PHACTR1: variants seen among roughly 807,000 people sequenced by gnomAD.
PHACTR1 encodes RPEL repeat containing 1.
PHACTR1 carries 16 observed loss-of-function variants against 69.2 expected under a neutral mutation model. That is an observed-to-expected ratio of 0.23 (90% CI 0.16 to 0.35). The LOEUF (loss-of-function observed/expected upper bound fraction) is 0.35, where lower values mean the gene tolerates loss of function less well. PHACTR1 is among the 10% of genes least tolerant of loss of function. The probability of loss-of-function intolerance (pLI) is 1.00; values close to 1 mark genes in which losing one functional copy is unlikely to be tolerated. For missense variants in PHACTR1, 510 were observed against 734.7 expected (o/e 0.69, Z 3.54); for synonymous variants, 312 against 284.5 (o/e 1.10, Z -0.97).
chr6:13,173,374 A>G (rs1446552079), intron 6 of PHACTR1, among the ~76,000 whole-genome samples: 1 of 152,204 alleles, frequency 6.6e-6, no homozygotes. Context: ...ATAAGAATAT[A>G]TTGCCTTCTA....
chr6:12,933,819 G>A (rs752972287), intron 4 of PHACTR1: 3 of 1,612,660 alleles, frequency 1.9e-6, no homozygotes, highest in African/African-American at 1.3e-5. Context: ...TCTACTCAGG[G>A]TATGAGCCCT....
chr6:13,162,885 G>A (rs916406056), intron 6 of PHACTR1, among the ~76,000 whole-genome samples: 1 of 152,136 alleles, frequency 6.6e-6, no homozygotes, highest in Admixed American at 6.5e-5. Flanking sequence ...AGCAGGCGCT[G>A]TGCCTCTGTC....
intron 4 of PHACTR1, among the ~76,000 whole-genome samples, chr6:12,758,241 G>A (rs9472486): frequency 0.022 from 3,289 of 151,948 alleles, 116 homozygotes; most frequent in African/African-American, 0.074. Flanking sequence ...TCAGGAATTC[G>A]AGACCAGCCT....
At chr6:13,160,327 C>A in intron 6 of PHACTR1, 43 bp downstream of exon 6, 3 of 1,528,162 alleles carry the variant, frequency 2.0e-6, no homozygotes, top group Non-Finnish European at 2.7e-6. Context: ...AAGAGTCATG[C>A]GTGGAATCTG....
At chr6:12,995,998 C>A (rs34476983) in intron 4 of PHACTR1, among the ~76,000 whole-genome samples, 29,260 of 151,896 alleles carry the variant, frequency 0.19, 3,153 homozygotes, top group South Asian at 0.27. Context: ...AAAAGTAAAT[C>A]ATTTCTAAAT....
At chr6:12,820,435 C>T (rs1201496927) in intron 4 of PHACTR1, among the ~76,000 whole-genome samples, 1 of 152,210 alleles carries the variant, frequency 6.6e-6, no homozygotes, top group Non-Finnish European at 1.5e-5. Context: ...CCGCCTCAGC[C>T]TCCCAAAATG....
chr6:13,034,454 A>C (rs1451910380), intron 4 of PHACTR1, among the ~76,000 whole-genome samples: 1 of 152,208 alleles, frequency 6.6e-6, no homozygotes, highest in East Asian at 1.9e-4. Flanking sequence ...TTCCCCTCCA[A>C]ACCACTTCCT....
intron 4 of PHACTR1, among the ~76,000 whole-genome samples, chr6:13,049,490 C>G (rs1469697799): frequency 6.6e-6 from 1 of 152,154 alleles, no homozygotes; most frequent in Non-Finnish European, 1.5e-5. Context: ...TCAGAGAATT[C>G]TCAAACTGAA....
intron 8 of PHACTR1, among the ~76,000 whole-genome samples, chr6:13,218,859 AAGAGAAGAGAAGAGAAGAGAAGAGAAGAG>A (rs1311945497): frequency 1.2e-3 from 5 of 4,330 alleles, no homozygotes; most frequent in Non-Finnish European, 4.1e-3. Flanking sequence ...GAGGAAAGAG[AAGAGAAGAGAAGAGAAGAGAAGAGAAGAG>A]AAGAGAAGAG....
Position 13,078,021 on chromosome 6 carries a change from C to T in PHACTR1, c.415+24492C>T, listed in dbSNP as rs1192090858. 2.0e-5 allele frequency among the ~76,000 whole-genome samples: 3 copies of T among 152,118 alleles called. No individual in the cohort carries two copies. In the East Asian group the frequency reaches 5.8e-4, roughly 29 times the overall value. ...TCATGGCCAAAGAGGATCCAGGGGTCCCCCATCACACAATGAAGGAGAGGT... is the reference window on the plus strand; with the variant it reads ...TCATGGCCAAAGAGGATCCAGGGGTTCCCCATCACACAATGAAGGAGAGGT... On this transcript the variant is annotated intron_variant, in intron 5 of 14. Coordinates refer to ENST00000332995, the MANE Select transcript of PHACTR1 (RefSeq NM_030948.6).
intron 4 of PHACTR1, among the ~76,000 whole-genome samples, chr6:12,914,389 T>C (rs1159095489): frequency 1.3e-5 from 2 of 152,182 alleles, no homozygotes; most frequent in Non-Finnish European, 2.9e-5. Flanking sequence ...TCACTCTGCC[T>C]AGTCCTTAAA....
At chr6:13,020,752 A>G (rs146811956) in intron 4 of PHACTR1, among the ~76,000 whole-genome samples, 133 of 152,330 alleles carry the variant, frequency 8.7e-4, no homozygotes, top group African/African-American at 3.0e-3. Flanking sequence ...CACAGGTATT[A>G]TCCACTTAAG....
At chr6:13,225,871 A>G (rs565618888) in intron 8 of PHACTR1, among the ~76,000 whole-genome samples, 10 of 152,330 alleles carry the variant, frequency 6.6e-5, no homozygotes, top group African/African-American at 2.4e-4. Flanking sequence ...CTTACTTCCT[A>G]TAATACCCAA....
chr6:13,075,549 A>G (rs1428706736), intron 5 of PHACTR1, among the ~76,000 whole-genome samples: 1 of 152,212 alleles, frequency 6.6e-6, no homozygotes, highest in Non-Finnish European at 1.5e-5. Context: ...ACCTGCTCCA[A>G]GAAGTGCCTC....
At chr6:12,833,086 A>G (rs989050190) in intron 4 of PHACTR1, among the ~76,000 whole-genome samples, 2 of 152,150 alleles carry the variant, frequency 1.3e-5, no homozygotes, top group Middle Eastern at 6.8e-3. Flanking sequence ...CACTTCACCT[A>G]TGAGGTTCAC....
At chr6:12,964,347 G>A (rs1388877174) in intron 4 of PHACTR1, among the ~76,000 whole-genome samples, 9 of 152,164 alleles carry the variant, frequency 5.9e-5, no homozygotes, top group Admixed American at 4.6e-4. Context: ...AGGATGATAA[G>A]AGGGAGATAT....
intron 6 of PHACTR1, among the ~76,000 whole-genome samples, chr6:13,168,167 G>A (rs115427747): frequency 9.1e-4 from 138 of 152,330 alleles, no homozygotes; most frequent in African/African-American, 3.2e-3. Flanking sequence ...AATGAAAAGA[G>A]TGTTTACTTT....
At chr6:12,964,608 T>C (rs1793198871) in intron 4 of PHACTR1, among the ~76,000 whole-genome samples, 1 of 152,110 alleles carries the variant, frequency 6.6e-6, no homozygotes. Context: ...GTAGATGCAT[T>C]GAAAAGAATT....
At chr6:12,959,181 AAAAAAAAAAAAAAAGAAAAG>A (rs1231770059) in intron 4 of PHACTR1, among the ~76,000 whole-genome samples, 7 of 105,370 alleles carry the variant, frequency 6.6e-5, no homozygotes, top group African/African-American at 3.8e-4. Context: ...TATCTCAAAA[AAAAAAAAAAAAAAAGAAAAG>A]AAAAAAAAAA....
Sources: gnomAD v4.1 joint callset for allele counts (sites outside exome capture counted in the v4.1 genomes callset) on GRCh38, gnomAD v4.1.1 for gene constraint, MANE v1.5 for transcripts, NCBI Gene and HGNC (gene_info 2026-07-23, HGNC 2026-07-21) for gene names.